The following CDIN1 variants were observed in gnomAD, a reference collection of about 807,000 sequenced individuals.
The protein encoded by CDIN1 is CDAN1 interacting nuclease 1.
CDIN1 carries 33 observed loss-of-function variants against 45.3 expected under a neutral mutation model. The ratio of observed to expected loss-of-function variants is 0.73; its 90% CI spans 0.55 to 0.97. The LOEUF (loss-of-function observed/expected upper bound fraction) is 0.97, where lower values mean the gene tolerates loss of function less well. CDIN1 is among the 50% of genes least tolerant of loss of function. CDIN1 has a pLI of 0.00. For synonymous variants in CDIN1, 118 were observed against 124.4 expected (o/e 0.95, Z 0.34); for missense variants, 303 against 339.4 (o/e 0.89, Z 0.84).
At chr15:36,702,155 A>G (rs2042669041) in intron 8 of CDIN1, 3 of 701,712 alleles carry the variant, frequency 4.3e-6, no homozygotes, top group Admixed American at 4.0e-5. Context: ...ATGGCTGGGT[A>G]TTTCATAAGG....
chr15:36,672,589 A>C (rs889333588), intron 5 of CDIN1, among the ~76,000 whole-genome samples: 3 of 151,914 alleles, frequency 2.0e-5, no homozygotes, highest in Non-Finnish European at 2.9e-5. Context: ...ATAAAGGTGG[A>C]GAATAACTAA....
rs548856078 is a variant in CDIN1, at chr15:36,589,753, C to G, written c.101+9792C>G. Among the ~76,000 whole-genome samples, 3 of 152,344 alleles carry G rather than the reference C, an allele frequency of 2.0e-5. No homozygotes were observed. The East Asian group carries it at 5.8e-4, about 29-fold the overall frequency. On this transcript the variant is annotated intron_variant, in intron 1 of 10. Transcript: ENST00000566621. ...TCTCCTGACCTCGTGATCTGCCCGC[C>G]TCGGCCTCCCAAAGTGCTGGGATTA...
intron 1 of CDIN1, among the ~76,000 whole-genome samples, chr15:36,585,049 G>C (rs12708543): frequency 1.3e-5 from 2 of 151,878 alleles, no homozygotes; most frequent in African/African-American, 4.8e-5. Flanking sequence ...AGAAGCCCCT[G>C]GTCCAATCAG....
chr15:36,581,996 C>A (rs778745758), intron 1 of CDIN1, among the ~76,000 whole-genome samples: 1 of 152,138 alleles, frequency 6.6e-6, no homozygotes, highest in Non-Finnish European at 1.5e-5. Context: ...TTGTTAATAT[C>A]ATCTCTAATC....
intron 10 of CDIN1, chr15:36,746,988 A>G (rs1189891685): frequency 2.5e-6 from 1 of 398,308 alleles, no homozygotes; most frequent in East Asian, 3.6e-5. Flanking sequence ...GGGCTCAGCG[A>G]TTCTTCTGCC....
At chr15:36,649,994 C>T (rs1486960364) in intron 3 of CDIN1, among the ~76,000 whole-genome samples, 1 of 152,204 alleles carries the variant, frequency 6.6e-6, no homozygotes, top group African/African-American at 2.4e-5. Context: ...TTTTCAGAAA[C>T]TATTTTTATC....
chr15:36,662,854 GTTTTTTTTT>G (rs34007525), intron 5 of CDIN1, among the ~76,000 whole-genome samples: 14 of 122,944 alleles, frequency 1.1e-4, no homozygotes, highest in Non-Finnish European at 1.1e-4. Context: ...TCAGATTTTA[GTTTTTTTTT>G]TTTTTTTTTT....
chr15:36,661,937 A>G (rs1416743849), intron 5 of CDIN1, among the ~76,000 whole-genome samples: 1 of 152,184 alleles, frequency 6.6e-6, no homozygotes, highest in African/African-American at 2.4e-5. Flanking sequence ...ATGAAAATCA[A>G]TCCTCTATAA....
Position 36,794,781 on chromosome 15 carries a change from G to A in CDIN1, c.717-13543G>A, listed in dbSNP as rs1316767481. On this transcript the variant is annotated intron_variant, in intron 10 of 10. Coordinates refer to ENST00000566621, the MANE Select transcript of CDIN1 (RefSeq NM_001321759.2). The stretch of plus-strand genomic sequence containing the variant: ...AAACAAAGATGAACTATTAAACTTG[G>A]CAAGATTTCAAAATGCTCCTAGTCT... Among the ~76,000 whole-genome samples, 3 of 151,988 alleles carry A rather than the reference G, an allele frequency of 2.0e-5. No individual in the cohort carries two copies. In the East Asian group the frequency reaches 5.8e-4, roughly 29 times the overall value.
intron 10 of CDIN1, among the ~76,000 whole-genome samples, chr15:36,748,476 A>G (rs1417626754): frequency 3.3e-5 from 5 of 151,828 alleles, no homozygotes; most frequent in Non-Finnish European, 7.4e-5. Context: ...TCCTTGCCCA[A>G]CAAAGTTTGC....
rs567716226 is a variant in CDIN1, at chr15:36,761,685, C to T, written c.717-46639C>T. On this transcript the variant is annotated intron_variant, in intron 10 of 10. Transcript: ENST00000566621. The stretch of plus-strand genomic sequence containing the variant: ...ACGAAAGCACTTCATCATCTCTTGC[C>T]GATCCTGCTTTCATGCAGACAGCGA... Among the ~76,000 whole-genome samples, 158 of 152,272 alleles carry T rather than the reference C, an allele frequency of 1.0e-3. 1 individual carries two copies. Among genetic ancestry groups the T allele is most frequent in the African/African-American group, 3.7e-3 (154 of 41,568 alleles).
intron 1 of CDIN1, among the ~76,000 whole-genome samples, chr15:36,584,509 T>C (rs1345035386): frequency 6.6e-6 from 1 of 152,256 alleles, no homozygotes; most frequent in African/African-American, 2.4e-5. Context: ...TGCATCTTTA[T>C]TGTCATGCGT....
chr15:36,763,337 G>C lies in CDIN1; in HGVS notation c.717-44987G>C, dbSNP rs187011748. Reference sequence around the variant, plus strand: ...TATCCTTCACCCACTTTTTGATGGGGTTGTTTTTTTCTTGTAAATTTGTTT... The same window carrying C: ...TATCCTTCACCCACTTTTTGATGGGCTTGTTTTTTTCTTGTAAATTTGTTT... On this transcript the variant is annotated intron_variant, in intron 10 of 10. Transcript: ENST00000566621. Among the ~76,000 whole-genome samples the C allele has an allele frequency of 2.5e-3, 381 of 152,204 alleles. 1 individual carries two copies. Among genetic ancestry groups the C allele is most frequent in the African/African-American group, 8.6e-3 (356 of 41,520 alleles).
intron 1 of CDIN1, among the ~76,000 whole-genome samples, chr15:36,593,312 GT>G: frequency 6.6e-6 from 1 of 151,922 alleles, no homozygotes. Context: ...CTGTTTTACT[GT>G]TTTGTCTCAA....
chr15:36,587,464 C>T lies in CDIN1; in HGVS notation c.101+7503C>T, dbSNP rs563368618. ...GTATTGTGCTGTGTACAGTGTTGAA[C>T]TTAGTGGTTCTTGGTGGTGAACTTA... On this transcript the variant is annotated intron_variant, in intron 1 of 10. Coordinates refer to ENST00000566621, the MANE Select transcript of CDIN1 (RefSeq NM_001321759.2). Among the ~76,000 whole-genome samples, 380 of 151,962 alleles carry T rather than the reference C, an allele frequency of 2.5e-3. 2 individuals carry two copies. The highest frequency in any genetic ancestry group is 4.3e-3 in the Non-Finnish European group (289 of 67,990).
intron 5 of CDIN1, among the ~76,000 whole-genome samples, chr15:36,661,012 G>A (rs2040990142): frequency 6.6e-6 from 1 of 152,132 alleles, no homozygotes; most frequent in Non-Finnish European, 1.5e-5. Flanking sequence ...TAGCATCTCT[G>A]GTTTTCTGTG....
chr15:36,610,110 C>G (rs939177231), intron 1 of CDIN1, among the ~76,000 whole-genome samples: 4 of 152,080 alleles, frequency 2.6e-5, no homozygotes, highest in Non-Finnish European at 5.9e-5. Context: ...CAGCAAAATA[C>G]GAGAAAGGGT....
intron 10 of CDIN1, among the ~76,000 whole-genome samples, chr15:36,786,595 T>C (rs2054497141): frequency 6.6e-6 from 1 of 152,338 alleles, no homozygotes. Flanking sequence ...TAGACCCCAG[T>C]ATACTGGCCA....
intron 10 of CDIN1, among the ~76,000 whole-genome samples, chr15:36,760,985 C>T (rs2053745307): frequency 6.6e-6 from 1 of 152,190 alleles, no homozygotes; most frequent in South Asian, 2.1e-4. Flanking sequence ...AGTTTTTACA[C>T]TCTCATTGTT....
Sources: gnomAD v4.1 joint callset for allele counts (sites outside exome capture counted in the v4.1 genomes callset) on GRCh38, gnomAD v4.1.1 for gene constraint, MANE v1.5 for transcripts, NCBI Gene and HGNC (gene_info 2026-07-23, HGNC 2026-07-21) for gene names.